Variants in HS6ST3 observed in about 807,000 individuals in gnomAD.
HS6ST3 encodes the protein heparan sulfate 6-O-sulfotransferase 3.
In HS6ST3, 12 loss-of-function variants were observed where a neutral mutation model predicts 36.7. The ratio of observed to expected loss-of-function variants is 0.33; its 90% CI spans 0.21 to 0.53. HS6ST3 has a LOEUF of 0.53. HS6ST3 is among the 20% of genes least tolerant of loss of function. The probability of loss-of-function intolerance (pLI) is 0.95; values close to 1 mark genes in which losing one functional copy is unlikely to be tolerated. For synonymous variants in HS6ST3, 240 were observed against 257.5 expected (o/e 0.93, Z 0.65); for missense variants, 584 against 640.9 (o/e 0.91, Z 0.96).
At chr13:96,616,641 C>T (rs1056722880) in intron 1 of HS6ST3, among the ~76,000 whole-genome samples, 30 of 152,156 alleles carry the variant, frequency 2.0e-4, no homozygotes, top group Non-Finnish European at 4.1e-4. Flanking sequence ...CTCTGTCCCT[C>T]CATTTCTATA....
chr13:96,583,909 G>A (rs1295647486), intron 1 of HS6ST3, among the ~76,000 whole-genome samples: 2 of 152,138 alleles, frequency 1.3e-5, no homozygotes, highest in South Asian at 2.1e-4. Context: ...AAGATGCTTA[G>A]CATCCCTAGC....
intron 1 of HS6ST3, among the ~76,000 whole-genome samples, chr13:96,124,072 A>G (rs1338183474): frequency 6.6e-6 from 1 of 152,202 alleles, no homozygotes; most frequent in East Asian, 1.9e-4. Context: ...GTTGAAGATC[A>G]TGCATTTTAG....
rs946028518 is a variant in HS6ST3, at chr13:96,839,385, C to A, written c.*6187C>A. On this transcript the variant is annotated 3_prime_UTR_variant, in exon 2 of 2. Transcript: ENST00000376705. ...AAATTATTTCTCTTAAGAGATATTT[C>A]CTTTTATTTCTGTACAATAATATGT... The A allele has an allele frequency of 1.3e-5, 2 of 152,078 alleles. No individual in the cohort carries two copies. Among genetic ancestry groups the A allele is most frequent in the African/African-American group, 4.8e-5 (2 of 41,392 alleles). The allele number at this position is 152,078 out of a possible 1,614,324, so 9.4% of individuals were successfully genotyped here.
intron 1 of HS6ST3, among the ~76,000 whole-genome samples, chr13:96,465,158 T>C (rs2055806052): frequency 6.6e-6 from 1 of 152,164 alleles, no homozygotes; most frequent in African/African-American, 2.4e-5. Flanking sequence ...GGAATAGATA[T>C]TGGTATAACT....
chr13:96,437,090 A>G (rs2055646653), intron 1 of HS6ST3, among the ~76,000 whole-genome samples: 1 of 152,186 alleles, frequency 6.6e-6, no homozygotes, highest in Admixed American at 6.5e-5. Context: ...TGTTCCTCAC[A>G]TAACACAAGT....
intron 1 of HS6ST3, among the ~76,000 whole-genome samples, chr13:96,688,559 C>T (rs1874852316): frequency 6.6e-6 from 1 of 152,024 alleles, no homozygotes; most frequent in Admixed American, 6.6e-5. Flanking sequence ...AGAAGAGACG[C>T]TCACTTGATA....
At chr13:96,706,024 A>T (rs1446598626) in intron 1 of HS6ST3, among the ~76,000 whole-genome samples, 1 of 152,178 alleles carries the variant, frequency 6.6e-6, no homozygotes, top group East Asian at 1.9e-4. Flanking sequence ...CTTATCTGAG[A>T]ATCCTTCCTT....
intron 1 of HS6ST3, among the ~76,000 whole-genome samples, chr13:96,663,971 G>C (rs2056655130): frequency 6.6e-6 from 1 of 152,082 alleles, no homozygotes. Context: ...CCTGGGCTTG[G>C]AGGTTGAAGC....
intron 1 of HS6ST3, among the ~76,000 whole-genome samples, chr13:96,489,205 T>G (rs1036498473): frequency 3.3e-5 from 5 of 151,982 alleles, no homozygotes; most frequent in African/African-American, 4.8e-5. Context: ...AGGTTATAAT[T>G]TAACATTATA....
At chr13:96,702,474 T>A (rs1047694275) in intron 1 of HS6ST3, among the ~76,000 whole-genome samples, 1 of 152,196 alleles carries the variant, frequency 6.6e-6, no homozygotes, top group Non-Finnish European at 1.5e-5. Context: ...GCCAAATCAA[T>A]AACATTAGCT....
intron 1 of HS6ST3, among the ~76,000 whole-genome samples, chr13:96,673,047 T>C (rs2056687530): frequency 6.6e-6 from 1 of 152,144 alleles, no homozygotes; most frequent in African/African-American, 2.4e-5. Context: ...TTCCAGGGGC[T>C]CTAGAGGAGA....
intron 1 of HS6ST3, among the ~76,000 whole-genome samples, chr13:96,521,861 C>G (rs1566385684): frequency 6.6e-6 from 1 of 152,104 alleles, no homozygotes; most frequent in Admixed American, 6.6e-5. Flanking sequence ...TTCAGTTCTG[C>G]TCTAATCTTA....
intron 1 of HS6ST3, among the ~76,000 whole-genome samples, chr13:96,545,268 T>C (rs1284732400): frequency 1.3e-5 from 2 of 152,146 alleles, no homozygotes; most frequent in Non-Finnish European, 2.9e-5. Context: ...GTTATCCCCA[T>C]AAAAATGGAG....
chr13:96,328,789 C>T (rs144763124), intron 1 of HS6ST3, among the ~76,000 whole-genome samples: 12,733 of 152,132 alleles, frequency 0.084, 583 homozygotes, highest in Middle Eastern at 0.11. Flanking sequence ...TGGTAGAATT[C>T]GGCTATGAAT....
At chr13:96,664,399 C>G (rs909096645) in intron 1 of HS6ST3, among the ~76,000 whole-genome samples, 9 of 152,158 alleles carry the variant, frequency 5.9e-5, no homozygotes, top group African/African-American at 2.2e-4. Flanking sequence ...GTCATTTCAT[C>G]ACTCAGACCC....
intron 1 of HS6ST3, among the ~76,000 whole-genome samples, chr13:96,611,464 A>T (rs1457599726): frequency 1.3e-5 from 2 of 152,224 alleles, no homozygotes; most frequent in African/African-American, 4.8e-5. Context: ...GTGTGCTAGG[A>T]ACTATGATCC....
intron 1 of HS6ST3, among the ~76,000 whole-genome samples, chr13:96,225,391 A>T (rs1402098804): frequency 6.6e-6 from 1 of 152,264 alleles, no homozygotes; most frequent in African/African-American, 2.4e-5. Context: ...GTTAGGAAAC[A>T]TCAGACTTTA....
chr13:96,639,333 G>T (rs2056561970), intron 1 of HS6ST3, among the ~76,000 whole-genome samples: 1 of 151,854 alleles, frequency 6.6e-6, no homozygotes, highest in Admixed American at 6.6e-5. Context: ...TTTGTCTGCT[G>T]TTAGTATAAC....
At chr13:96,694,415 T>C (rs1170076230) in intron 1 of HS6ST3, among the ~76,000 whole-genome samples, 1 of 152,214 alleles carries the variant, frequency 6.6e-6, no homozygotes, top group Non-Finnish European at 1.5e-5. Context: ...AGTCTGCTAT[T>C]GATGGGCATT....
Sources: allele counts gnomAD v4.1 joint callset (sites outside exome capture counted in the v4.1 genomes callset), GRCh38; gene constraint gnomAD v4.1.1; transcripts MANE v1.5; gene names NCBI Gene and HGNC (gene_info 2026-07-23, HGNC 2026-07-21).